CASZ1: variants seen among roughly 807,000 people sequenced by gnomAD.
The protein encoded by CASZ1 is castor zinc finger 1.
A neutral mutation model predicts 135.2 loss-of-function variants in CASZ1; 28 were observed. That is an observed-to-expected ratio of 0.21 (90% CI 0.15 to 0.28). The LOEUF (loss-of-function observed/expected upper bound fraction) is 0.28, where lower values mean the gene tolerates loss of function less well. Among genes scored for constraint, CASZ1 ranks in the 10% least tolerant of loss-of-function variants. The probability of loss-of-function intolerance (pLI) is 1.00; values close to 1 mark genes in which losing one functional copy is unlikely to be tolerated. For missense variants in CASZ1, 2,161 were observed against 2,453.3 expected, an observed-to-expected ratio of 0.88 and a Z score of 2.52; for synonymous variants, 1,068 against 1,073.4, an observed-to-expected ratio of 0.99 and a Z score of 0.10.
rs1407362323 is a variant in CASZ1, at chr1:10,735,065, G to A, written c.-77+25636C>T. ...GACGCAAGGGAGCTTCTACCCCATT[G>A]CAGTTGCACAAAAGAAATTGAACAC... On this transcript the variant is annotated intron_variant, in intron 2 of 20. Transcript: ENST00000377022. This position sits in a 1 kb window ranked among gnomAD's most constrained non-coding sequence, Gnocchi z 5.1. Among the ~76,000 whole-genome samples the A allele has an allele frequency of 6.6e-6, 1 of 152,180 alleles. No individual in the cohort carries two copies. The highest frequency in any genetic ancestry group is 1.5e-5 in the Non-Finnish European group (1 of 68,040).
At chr1:10,702,289 G>C (rs896562679) in intron 3 of CASZ1, among the ~76,000 whole-genome samples, 2 of 152,154 alleles carry the variant, frequency 1.3e-5, no homozygotes, top group African/African-American at 4.8e-5. Flanking sequence ...CCCTTTCAAG[G>C]AGCGCGCCCA....
At chr1:10,775,244 A>G (rs927285583) in intron 1 of CASZ1, among the ~76,000 whole-genome samples, 1 of 152,222 alleles carries the variant, frequency 6.6e-6, no homozygotes, top group Non-Finnish European at 1.5e-5. Flanking sequence ...GGATAAAACA[A>G]GATCCAACCT....
intron 2 of CASZ1, among the ~76,000 whole-genome samples, chr1:10,744,439 T>TGACA (rs1640002018): frequency 1.1e-4 from 2 of 18,830 alleles, no homozygotes; most frequent in East Asian, 1.4e-3. Flanking sequence ...AGGCATGTCC[T>TGACA]GGGCACCACG....
rs769444743 is a variant in CASZ1, at chr1:10,639,865, T to G, written c.4357A>C (p.Lys1453Gln). 6.2e-7 allele frequency: 1 copy of G among 1,612,138 alleles called. No individual in the cohort carries two copies. Among genetic ancestry groups the G allele is most frequent in the Non-Finnish European group, 8.5e-7 (1 of 1,179,716 alleles). ...CGCGTGCAGTGGTAGTGGGTGACCT[T>G]GAGCGAGAACTGACAAGCTGCGTCC... ...CKDAACQFSL[K>Q]VTHYHCTREN... Residue 1453 changes from lysine to glutamine, a missense_variant, in exon 21 of 21, where the codon AAG (lysine) becomes CAG (glutamine). Coordinates refer to ENST00000377022, the MANE Select transcript of CASZ1 (RefSeq NM_001079843.3). This position sits in a 1 kb window ranked among gnomAD's most constrained non-coding sequence, Gnocchi z 4.0.
In CASZ1 at chr1:10,741,664, T is replaced by C. The variant is rs963764047; in HGVS notation, c.-77+19037A>G. On this transcript the variant is annotated intron_variant, in intron 2 of 20. Transcript: ENST00000377022. The surrounding 1 kb of genome is among the most constrained non-coding windows in gnomAD (Gnocchi z 5.0). ...TGAGAATCCACAAGGAGGGAAACAATTTCCCCATCAAACCAGTTTTATTGG... is the reference window on the plus strand; with the variant it reads ...TGAGAATCCACAAGGAGGGAAACAACTTCCCCATCAAACCAGTTTTATTGG... Among the ~76,000 whole-genome samples the C allele has an allele frequency of 1.3e-5, 2 of 151,952 alleles. No individual in the cohort carries two copies. The highest frequency in any genetic ancestry group is 4.8e-5 in the African/African-American group (2 of 41,358).
intron 11 of CASZ1, chr1:10,652,222 C>T (rs1289942707): frequency 1.3e-5 from 2 of 152,428 alleles, no homozygotes; most frequent in East Asian, 3.9e-4. Flanking sequence ...GACCCTCAGT[C>T]TTGGCTGGTT....
chr1:10,765,452 G>T (rs1426119181), intron 1 of CASZ1, among the ~76,000 whole-genome samples: 3 of 151,832 alleles, frequency 2.0e-5, no homozygotes, highest in Admixed American at 2.0e-4. Context: ...GATGTGTTGT[G>T]GCACGAAAGT....
chr1:10,691,260 G>A (rs1638758771), intron 4 of CASZ1, among the ~76,000 whole-genome samples: 1 of 152,188 alleles, frequency 6.6e-6, no homozygotes, highest in Admixed American at 6.5e-5. Context: ...GGGGCCTGGT[G>A]AATTAGGACG....
At chr1:10,691,369 G>C (rs1638762759) in intron 4 of CASZ1, among the ~76,000 whole-genome samples, 1 of 152,174 alleles carries the variant, frequency 6.6e-6, no homozygotes, top group Non-Finnish European at 1.5e-5. Flanking sequence ...TGAGGGTCCT[G>C]AGGTCCTTCT....
intron 13 of CASZ1, chr1:10,649,694 C>T (rs1570409298): frequency 4.3e-6 from 2 of 462,248 alleles, no homozygotes; most frequent in South Asian, 4.4e-5. Context: ...CGGGATCCAT[C>T]ACTCAAGCCG....
At chr1:10,768,090 C>G (rs538709024) in intron 1 of CASZ1, among the ~76,000 whole-genome samples, 18 of 152,344 alleles carry the variant, frequency 1.2e-4, no homozygotes, top group African/African-American at 4.1e-4. Flanking sequence ...GCCAGGCCAG[C>G]CTCTACCATG....
At chr1:10,654,618 C>A (rs372947024) in intron 9 of CASZ1, 27 bp from the exon 10 acceptor site, 3 of 1,604,112 alleles carry the variant, frequency 1.9e-6, no homozygotes, top group South Asian at 2.2e-5. Context: ...GGTGGTCAGG[C>A]GAACGGAGGC....
rs1022955700 is a variant in CASZ1, at chr1:10,709,158, C to T, written c.-76-3614G>A. ...CTTTGGAGCCTCTCACCCACAGCTG[C>T]CCAGCTCCATATTTATGAAGCACCA... On this transcript the variant is annotated intron_variant, in intron 2 of 20. Transcript: ENST00000377022. The surrounding 1 kb of genome is among the most constrained non-coding windows in gnomAD (Gnocchi z 5.1). Among the ~76,000 whole-genome samples the T allele has an allele frequency of 9.9e-5, 15 of 152,172 alleles. No homozygotes were observed. Among genetic ancestry groups the T allele is most frequent in the African/African-American group, 3.4e-4 (14 of 41,434 alleles).
At position 10,646,333 on chromosome 1, in the gene CASZ1, G is replaced by A; in HGVS notation, c.3498-7C>T. On this transcript the variant is annotated splice_polypyrimidine_tract_variant and splice_region_variant and intron_variant, in intron 16 of 20. Coordinates refer to ENST00000377022, the MANE Select transcript of CASZ1 (RefSeq NM_001079843.3). The surrounding 1 kb of genome is among the most constrained non-coding windows in gnomAD (Gnocchi z 6.4). Reference sequence around the variant, plus strand: ...CGTGGCGAGGCAAGGATCGCTGGAAGGAAACCACAGCCCAGAAGGTCATTG... The same window carrying A: ...CGTGGCGAGGCAAGGATCGCTGGAAAGAAACCACAGCCCAGAAGGTCATTG... 1 of 1,613,654 alleles carries A rather than the reference G, an allele frequency of 6.2e-7. No homozygotes were observed. Among genetic ancestry groups the A allele is most frequent in the Non-Finnish European group, 8.5e-7 (1 of 1,179,830 alleles).
In CASZ1 at chr1:10,794,205, G is replaced by A. The variant is rs1327515178; in HGVS notation, c.-234+2359C>T. On this transcript the variant is annotated intron_variant, in intron 1 of 20. Coordinates refer to ENST00000377022, the MANE Select transcript of CASZ1 (RefSeq NM_001079843.3). The surrounding 1 kb of genome is among the most constrained non-coding windows in gnomAD (Gnocchi z 5.6). ...TGTGTGTGTGTGTGTGTGTGCGCGC[G>A]CGCGCGCGTCGTGGGTTGGGCGGGG... Among the ~76,000 whole-genome samples the A allele has an allele frequency of 6.6e-6, 1 of 151,764 alleles. No individual in the cohort carries two copies. Among genetic ancestry groups the A allele is most frequent in the East Asian group, 2.0e-4 (1 of 5,086 alleles).
Position 10,741,188 on chromosome 1 carries a change from G to C in CASZ1, c.-77+19513C>G, listed in dbSNP as rs1639915186. On this transcript the variant is annotated intron_variant, in intron 2 of 20. Coordinates refer to ENST00000377022, the MANE Select transcript of CASZ1 (RefSeq NM_001079843.3). The surrounding 1 kb of genome is among the most constrained non-coding windows in gnomAD (Gnocchi z 5.0). ...AGCAGAGACGGGGTTTCACCATGTT[G>C]GTCAGGCTGGTCTCCAACTCCTGAC... 6.6e-6 allele frequency among the ~76,000 whole-genome samples: 1 copy of C among 152,102 alleles called. No individual in the cohort carries two copies. The highest frequency in any genetic ancestry group is 1.5e-5 in the Non-Finnish European group (1 of 68,028).
At chr1:10,750,717 T>C (rs1640135582) in intron 2 of CASZ1, among the ~76,000 whole-genome samples, 1 of 152,050 alleles carries the variant, frequency 6.6e-6, no homozygotes, top group Non-Finnish European at 1.5e-5. Context: ...CTGGCCAACA[T>C]GGTGAAACCC....
In CASZ1 at chr1:10,660,301, C is replaced by T; in HGVS notation, c.741G>A (p.Lys247=). The T allele has an allele frequency of 6.2e-7, 1 of 1,614,124 alleles. No homozygotes were observed. Among genetic ancestry groups the T allele is most frequent in the South Asian group, 1.1e-5 (1 of 91,084 alleles). Reference sequence around the variant, plus strand: ...CCGGCCAGGAGAGCTGCTCGCCAGCCTTGAGCTTGCGGATGTACTCCTCAT... The same window carrying T: ...CCGGCCAGGAGAGCTGCTCGCCAGCTTTGAGCTTGCGGATGTACTCCTCAT... ...SKYEEYIRKL[K]AGEQLSWPAP... Residue 247 remains lysine (K), a synonymous_variant, in exon 6 of 21, where the codon AAG becomes AAA. Coordinates refer to ENST00000377022, the MANE Select transcript of CASZ1 (RefSeq NM_001079843.3).
chr1:10,785,143 C>CCCTCCCTCCCTTCCTT, intron 1 of CASZ1, among the ~76,000 whole-genome samples: 1 of 24,610 alleles, frequency 4.1e-5, no homozygotes, highest in African/African-American at 7.9e-5. Context: ...CTTCCTTCCT[C>CCCTCCCTCCCTTCCTT]CCTCCCTTCT....
Sources: allele counts gnomAD v4.1 joint callset (sites outside exome capture counted in the v4.1 genomes callset), GRCh38; gene constraint gnomAD v4.1.1; non-coding constraint Gnocchi (gnomAD v3.1); transcripts MANE v1.5; gene names NCBI Gene and HGNC (gene_info 2026-07-23, HGNC 2026-07-21).